Variants in SNTA1 observed in about 807,000 individuals in gnomAD.
SNTA1 encodes the protein alpha-1-syntrophin.
Under a neutral mutation model 47.1 loss-of-function variants are expected in SNTA1, and 31 were observed. That is an observed-to-expected ratio of 0.66 (90% confidence interval 0.49 to 0.89). SNTA1 has a LOEUF of 0.89. Among genes scored for constraint, SNTA1 ranks in the 40% least tolerant of loss-of-function variants. SNTA1 has a pLI of 0.00. For missense variants in SNTA1, 575 were observed against 693.0 expected (o/e 0.83, Z 1.91); for synonymous variants, 300 against 313.6 (o/e 0.96, Z 0.46).
intron 1 of SNTA1, among the ~76,000 whole-genome samples, chr20:33,439,371 G>C (rs889647440): frequency 1.3e-5 from 2 of 152,106 alleles, no homozygotes; most frequent in East Asian, 1.9e-4. Context: ...AGGCACCTGT[G>C]GTCTCAGCTA....
intron 1 of SNTA1, 125 bp from the exon 2 acceptor site, chr20:33,439,151 G>A: frequency 1.2e-6 from 1 of 848,598 alleles, no homozygotes; most frequent in East Asian, 2.5e-5. Flanking sequence ...AAGGCAATGG[G>A]AGAATAAAGG....
intron 2 of SNTA1, among the ~76,000 whole-genome samples, chr20:33,425,404 A>G (rs1219235613): frequency 6.6e-6 from 1 of 152,218 alleles, no homozygotes. Flanking sequence ...TCACACCTAT[A>G]ATTCCAGCAC....
At chr20:33,412,083 G>C (rs764292224) in intron 5 of SNTA1, among the ~76,000 whole-genome samples, 1 of 152,214 alleles carries the variant, frequency 6.6e-6, no homozygotes. Context: ...AAGTGTCAGC[G>C]AATGAGTGGC....
chr20:33,441,970 G>A (rs528284612), intron 1 of SNTA1, among the ~76,000 whole-genome samples: 12 of 152,136 alleles, frequency 7.9e-5, no homozygotes, highest in Non-Finnish European at 1.6e-4. Context: ...TGGCTGCCTG[G>A]GGATCTGCCC....
chr20:33,431,778 T>C (rs192265938), intron 2 of SNTA1, among the ~76,000 whole-genome samples: 2 of 152,218 alleles, frequency 1.3e-5, no homozygotes, highest in East Asian at 3.9e-4. Flanking sequence ...GGGAAGGGAC[T>C]TAGCACAGTA....
intron 2 of SNTA1, among the ~76,000 whole-genome samples, chr20:33,422,030 T>C (rs1209583168): frequency 2.7e-5 from 4 of 150,004 alleles, no homozygotes; most frequent in African/African-American, 9.8e-5. Flanking sequence ...GTAAGGCATG[T>C]GGTGAGTATT....
At chr20:33,436,514 A>T (rs1444814996) in intron 2 of SNTA1, among the ~76,000 whole-genome samples, 3 of 152,176 alleles carry the variant, frequency 2.0e-5, no homozygotes, top group African/African-American at 7.2e-5. Flanking sequence ...TCTAAGGATC[A>T]ACACTCTAGA....
intron 2 of SNTA1, among the ~76,000 whole-genome samples, chr20:33,427,577 C>T (rs1399565649): frequency 3.3e-5 from 5 of 152,130 alleles, no homozygotes; most frequent in African/African-American, 1.2e-4. Context: ...TCTCACCTTA[C>T]CACACCCTTG....
rs896447127 is a variant in SNTA1 at position 33,410,508 on chromosome 20, G to A, written c.1041-177C>T. On this transcript the variant is annotated intron_variant, in intron 5 of 7. Coordinates refer to ENST00000217381, the MANE Select transcript of SNTA1 (RefSeq NM_003098.3). ...GGAGACATCTCCTGCCACCCTCCCC[G>A]TCACTCCCTTGGCTCTGGCTATACT... 3.3e-5 allele frequency among the ~76,000 whole-genome samples: 5 copies of A among 152,174 alleles called. 1 individual carries two copies. Among genetic ancestry groups the A allele is most frequent in the Admixed American group, 3.3e-4 (5 of 15,280 alleles).
At position 33,443,358 on chromosome 20, in the gene SNTA1, A is replaced by T. The variant is rs1167716962; in HGVS notation, c.263T>A (p.Val88Glu). ...PEALLLQRRR[V>E]TVRKADAGGL... ...ACCGGCGTCGGCCTTGCGCACCGTC[A>T]CGCGGCGCCGCTGGAGCAGTAGCGC... The change falls in exon 1 of 8, where the codon GTG (valine) becomes GAG (glutamate). Residue 88 changes from valine (V) to glutamate (E), a missense_variant. Physicochemically the swap from Val to Glu is moderately radical, Grantham distance 121 (BLOSUM62 -2). Coordinates refer to ENST00000217381, the MANE Select transcript of SNTA1 (RefSeq NM_003098.3). 1 of 1,465,806 alleles carries T rather than the reference A, an allele frequency of 6.8e-7. No individual in the cohort carries two copies. The highest frequency in any genetic ancestry group is 1.3e-5 in the South Asian group (1 of 77,240). The allele number at this position is 1,465,806 out of a possible 1,614,324, so 90.8% of individuals were successfully genotyped here.
At position 33,411,954 on chromosome 20, in the gene SNTA1, A is replaced by G. The variant is rs763078174; in HGVS notation, c.1040+342T>C. Among the ~76,000 whole-genome samples the G allele has an allele frequency of 1.8e-3, 281 of 152,286 alleles. 3 individuals carry two copies. Among genetic ancestry groups the G allele is most frequent in the Non-Finnish European group, 1.4e-3 (93 of 68,024 alleles). ...CCCAACAGAGTTAAGTGGCTCCTAC[A>G]AACCCTGCACTGTAATGGCTGTTCC... On this transcript the variant is annotated intron_variant, in intron 5 of 7. Transcript: ENST00000217381.
chr20:33,418,335 A>T (rs1225000209), intron 2 of SNTA1, among the ~76,000 whole-genome samples: 1 of 149,646 alleles, frequency 6.7e-6, no homozygotes, highest in African/African-American at 2.5e-5. Flanking sequence ...AGCTCGCTAC[A>T]GCCTCAATCT....
Position 33,419,186 on chromosome 20 carries a change from C to T in SNTA1, c.497-1263G>A, listed in dbSNP as rs557221591. Among the ~76,000 whole-genome samples, 6 of 152,288 alleles carry T rather than the reference C, an allele frequency of 3.9e-5. No homozygotes were observed. In the East Asian group the frequency reaches 9.6e-4, roughly 24 times the overall value. On this transcript the variant is annotated intron_variant, in intron 2 of 7. Coordinates refer to ENST00000217381, the MANE Select transcript of SNTA1 (RefSeq NM_003098.3). ...ATATACCCTCTGTGGGTGCCTGATG[C>T]CTGCTAGCCCGTGGGCAGCCTCTCT...
chr20:33,425,837 C>T (rs754475175), intron 2 of SNTA1, among the ~76,000 whole-genome samples: 4 of 152,078 alleles, frequency 2.6e-5, no homozygotes, highest in Non-Finnish European at 5.9e-5. Context: ...TTCGCGAGGT[C>T]GAGGCGGGCA....
intron 2 of SNTA1, 67 bp from the exon 3 acceptor site, chr20:33,417,990 C>G (rs1989920737): frequency 2.8e-6 from 3 of 1,056,144 alleles, no homozygotes; most frequent in Non-Finnish European, 4.4e-6. Context: ...ACAATTGTCA[C>G]TAATTTATTA....
Position 33,412,364 on chromosome 20 carries a change from G to T in SNTA1, c.972C>A (p.Tyr324Ter). Residue 324 changes from tyrosine to a stop codon, truncating the protein, a stop_gained, in exon 5 of 8, where the codon TAC becomes TAA. Transcript: ENST00000217381. LOFTEE classifies it high-confidence loss of function. ...ALLTEKELLL[Y>*]LSLPETREAL... ...CCTCGCGGGTCTCGGGGAGAGACAA[G>T]TAGAGGAGCAGTTCCTTTTCAGTTA... 1 of 1,611,898 alleles carries T rather than the reference G, an allele frequency of 6.2e-7. No homozygotes were observed.
chr20:33,440,725 C>T (rs946752247), intron 1 of SNTA1, among the ~76,000 whole-genome samples: 6 of 150,708 alleles, frequency 4.0e-5, no homozygotes, highest in South Asian at 2.1e-4. Flanking sequence ...GGCTGAGGCA[C>T]GAGAACTGCT....
At chr20:33,426,953 C>T (rs1334844875) in intron 2 of SNTA1, among the ~76,000 whole-genome samples, 3 of 150,884 alleles carry the variant, frequency 2.0e-5, no homozygotes, top group Admixed American at 1.3e-4. Flanking sequence ...ATCCCAGCTA[C>T]TCAGGAGGCT....
Position 33,408,732 on chromosome 20 carries a change from A to G in SNTA1, c.1394T>C (p.Phe465Ser), listed in dbSNP as rs774908810. Reference protein sequence around the residue: ...MSSDDGASLLFLDFGGAEGEI... With the variant: ...MSSDDGASLLSLDFGGAEGEI... ...GCCTTCAGCACCTCCAAAATCCAGG[A>G]AAAGGAGACTGGCACCGTCATCTGA... Residue 465 changes from phenylalanine to serine, a missense_variant, in exon 7 of 8, where the codon TTC becomes TCC. Transcript: ENST00000217381. 4.3e-6 allele frequency: 7 copies of G among 1,614,054 alleles called. No homozygotes were observed. Among genetic ancestry groups the G allele is most frequent in the Non-Finnish European group, 5.9e-6 (7 of 1,179,962 alleles).
Sources: allele counts gnomAD v4.1 joint callset (sites outside exome capture counted in the v4.1 genomes callset), GRCh38; gene constraint gnomAD v4.1.1; transcripts MANE v1.5; gene names NCBI Gene and HGNC (gene_info 2026-07-23, HGNC 2026-07-21).